PTPN9: variants seen among roughly 807,000 people sequenced by gnomAD.
The protein encoded by PTPN9 is protein tyrosine phosphatase non-receptor type 9.
A neutral mutation model predicts 69.8 loss-of-function variants in PTPN9; 26 were observed. The observed-to-expected ratio is 0.37, with a 90% CI of 0.27 to 0.52. The LOEUF (loss-of-function observed/expected upper bound fraction) is 0.52. Ranked by LOEUF, PTPN9 falls within the 20% of genes least tolerant of loss-of-function variation. The pLI is 0.91. For missense variants in PTPN9, 549 were observed against 740.3 expected, an observed-to-expected ratio of 0.74 and a Z score of 3.00; for synonymous variants, 274 against 272.5, an observed-to-expected ratio of 1.01 and a Z score of -0.05.
chr15:75,524,300 T>TA lies in PTPN9; in HGVS notation c.208-3dup. 6.2e-7 allele frequency: 1 copy of TA among 1,600,272 alleles called. No individual in the cohort carries two copies. The highest frequency in any genetic ancestry group is 8.6e-7 in the Non-Finnish European group (1 of 1,168,036). On this transcript the variant is annotated splice_polypyrimidine_tract_variant and splice_region_variant and intron_variant, in intron 2 of 12. Coordinates refer to ENST00000618819, the MANE Select transcript of PTPN9 (RefSeq NM_002833.4). ...AATGCCTTCCTTCCTTCGAGTTTCCTAAAAAGGAAGCACAGCAAAATGTAT... is the reference window on the plus strand; with the variant it reads ...AATGCCTTCCTTCCTTCGAGTTTCCTAAAAAAGGAAGCACAGCAAAATGTAT...
intron 1 of PTPN9, among the ~76,000 whole-genome samples, chr15:75,547,244 G>C (rs1422219449): frequency 2.2e-5 from 3 of 139,426 alleles, no homozygotes; most frequent in Non-Finnish European, 4.5e-5. Flanking sequence ...GCAGTGAGCT[G>C]AGATAGCACC....
At chr15:75,500,000 A>G (rs1218171672) in intron 7 of PTPN9, among the ~76,000 whole-genome samples, 1 of 152,078 alleles carries the variant, frequency 6.6e-6, no homozygotes, top group Non-Finnish European at 1.5e-5. Context: ...CAACATGGCA[A>G]AACCCCATCT....
chr15:75,520,492 G>T (rs572499341), intron 4 of PTPN9, among the ~76,000 whole-genome samples: 40 of 149,910 alleles, frequency 2.7e-4, no homozygotes, highest in African/African-American at 9.3e-4. Flanking sequence ...ATGTGTGTGT[G>T]TTTATATATG....
intron 8 of PTPN9, among the ~76,000 whole-genome samples, chr15:75,483,410 G>GA (rs1285483370): frequency 5.9e-5 from 9 of 152,208 alleles, no homozygotes; most frequent in African/African-American, 2.2e-4. Flanking sequence ...TACATGCTAT[G>GA]ACATGGATGG....
Position 75,505,979 on chromosome 15 carries a change from C to T in PTPN9, c.664G>A (p.Val222Ile). 2 of 1,612,776 alleles carry T rather than the reference C, an allele frequency of 1.2e-6. No individual in the cohort carries two copies. Among genetic ancestry groups the T allele is most frequent in the Non-Finnish European group, 1.7e-6 (2 of 1,178,988 alleles). ...ERIQILKTSEVTQHLPRECLP... is the reference protein window; with the variant it reads ...ERIQILKTSEITQHLPRECLP... The stretch of plus-strand genomic sequence containing the variant: ...CACTCCCTGGGCAGATGCTGCGTGA[C>T]CTCAGATGTCTTTAATATTTGAATC... Residue 222 changes from valine to isoleucine, a missense_variant, in exon 7 of 13, where the codon GTC becomes ATC. By Grantham distance (29) the Val-to-Ile change is conservative. Transcript: ENST00000618819.
chr15:75,496,581 C>G (rs1335686823), intron 7 of PTPN9, among the ~76,000 whole-genome samples: 1 of 151,142 alleles, frequency 6.6e-6, no homozygotes, highest in Non-Finnish European at 1.5e-5. Flanking sequence ...ACTGCAGCCT[C>G]AACGTCCCAG....
intron 7 of PTPN9, among the ~76,000 whole-genome samples, chr15:75,503,289 C>T (rs914773167): frequency 6.2e-5 from 9 of 145,490 alleles, no homozygotes; most frequent in Non-Finnish European, 1.3e-4. Context: ...TGCCCCGCTG[C>T]CCCGTCTGGG....
chr15:75,475,971 C>A (rs1340469188), intron 9 of PTPN9, among the ~76,000 whole-genome samples: 2 of 152,026 alleles, frequency 1.3e-5, no homozygotes, highest in Non-Finnish European at 2.9e-5. Flanking sequence ...AAACCCTGTC[C>A]CTACAAAAAA....
chr15:75,490,383 G>A, intron 7 of PTPN9, 82 bp from the exon 8 acceptor site: 1 of 949,728 alleles, frequency 1.1e-6, no homozygotes, highest in Non-Finnish European at 1.7e-6. Flanking sequence ...ATGCTAAAGG[G>A]GTGTCAATTA....
At chr15:75,475,304 G>A (rs13380130) in intron 9 of PTPN9, among the ~76,000 whole-genome samples, 84 of 152,214 alleles carry the variant, frequency 5.5e-4, no homozygotes, top group African/African-American at 1.8e-3. Context: ...AACCGGCCGG[G>A]CGCAGGGCTC....
chr15:75,549,722 G>C (rs1340023898), intron 1 of PTPN9, among the ~76,000 whole-genome samples: 1 of 152,152 alleles, frequency 6.6e-6, no homozygotes, highest in African/African-American at 2.4e-5. Context: ...TGTGAGAACT[G>C]TCTAGACCTT....
intron 1 of PTPN9, among the ~76,000 whole-genome samples, chr15:75,557,530 T>C (rs1304487740): frequency 6.6e-6 from 1 of 151,926 alleles, no homozygotes; most frequent in African/African-American, 2.4e-5. Flanking sequence ...TACTTAGGAG[T>C]GAAATTTCTG....
chr15:75,575,509 T>C (rs1015951401), intron 1 of PTPN9, among the ~76,000 whole-genome samples: 2 of 152,166 alleles, frequency 1.3e-5, no homozygotes, highest in Admixed American at 6.6e-5. Flanking sequence ...AAATGTTAAA[T>C]TGGTTTGAGC....
At chr15:75,529,488 G>A (rs1442440927) in intron 1 of PTPN9, among the ~76,000 whole-genome samples, 1 of 152,082 alleles carries the variant, frequency 6.6e-6, no homozygotes, top group Non-Finnish European at 1.5e-5. Context: ...CCTGTTATTT[G>A]TTAAGCTAAT....
chr15:75,488,700 G>A (rs1326639118), intron 8 of PTPN9, among the ~76,000 whole-genome samples: 1 of 152,058 alleles, frequency 6.6e-6, no homozygotes, highest in Admixed American at 6.5e-5. Flanking sequence ...AGGCAGAGGT[G>A]GGAGGATCGC....
intron 1 of PTPN9, among the ~76,000 whole-genome samples, chr15:75,544,492 T>C (rs768546248): frequency 1.3e-5 from 2 of 152,172 alleles, no homozygotes; most frequent in Non-Finnish European, 2.9e-5. Context: ...ATGATGCCAC[T>C]GTGTTCCAGC....
At chr15:75,555,801 G>A (rs375929994) in intron 1 of PTPN9, among the ~76,000 whole-genome samples, 4 of 151,912 alleles carry the variant, frequency 2.6e-5, no homozygotes, top group East Asian at 3.9e-4. Flanking sequence ...CACTGCGCCC[G>A]GCCAAAATTT....
At chr15:75,531,991 T>C (rs1242132153) in intron 1 of PTPN9, among the ~76,000 whole-genome samples, 1 of 152,208 alleles carries the variant, frequency 6.6e-6, no homozygotes, top group Admixed American at 6.6e-5. Context: ...TAGCTGGGTA[T>C]ACAATTTCTA....
intron 7 of PTPN9, among the ~76,000 whole-genome samples, chr15:75,497,558 T>C (rs1462615210): frequency 6.6e-6 from 1 of 152,042 alleles, no homozygotes; most frequent in Non-Finnish European, 1.5e-5. Context: ...TCCAGCACTT[T>C]AGGAGGCCAA....
Sources: gnomAD v4.1 joint callset for allele counts (sites outside exome capture counted in the v4.1 genomes callset) on GRCh38, gnomAD v4.1.1 for gene constraint, MANE v1.5 for transcripts, NCBI Gene and HGNC (gene_info 2026-07-23, HGNC 2026-07-21) for gene names.